The following MRPS28 variants were observed in gnomAD, a reference collection of about 807,000 sequenced individuals.
MRPS28 encodes the protein mitochondrial ribosomal protein S28.
In MRPS28, 7 loss-of-function variants were observed where a neutral mutation model predicts 10.8. The observed-to-expected ratio is 0.65, with a 90% CI of 0.37 to 1.22. The LOEUF (loss-of-function observed/expected upper bound fraction) is 1.22. Among genes scored for constraint, MRPS28 ranks in the 50% most tolerant of loss-of-function variants. MRPS28 has a pLI of 0.02. For missense variants in MRPS28, 265 were observed against 232.9 expected (o/e 1.14, Z -0.90); for synonymous variants, 121 against 93.3 (o/e 1.30, Z -1.71).
chr8:79,967,636 CCCTAT>C (rs1807534954), intron 2 of MRPS28, among the ~76,000 whole-genome samples: 1 of 152,136 alleles, frequency 6.6e-6, no homozygotes, highest in Non-Finnish European at 1.5e-5. Flanking sequence ...CCTAACACCA[CCCTAT>C]GCCTGTTAGA....
intron 2 of MRPS28, among the ~76,000 whole-genome samples, chr8:79,947,540 C>T (rs751739660): frequency 1.4e-4 from 22 of 151,806 alleles, no homozygotes; most frequent in Admixed American, 1.0e-3. Flanking sequence ...ATCATCTCTC[C>T]ACTTATTTAG....
chr8:80,028,664 C>CGGGGGGGGGG (rs1278468176), intron 1 of MRPS28: 54 of 7,046 alleles, frequency 7.7e-3, no homozygotes, highest in Middle Eastern at 0.1. Flanking sequence ...GGGGCGGGGC[C>CGGGGGGGGGG]GGGCGGGGTC....
At chr8:79,999,144 AG>A (rs1042893915) in intron 2 of MRPS28, among the ~76,000 whole-genome samples, 1 of 152,240 alleles carries the variant, frequency 6.6e-6, no homozygotes, top group Non-Finnish European at 1.5e-5. Context: ...GTACCAAAGC[AG>A]GAAGCTCTGC....
intron 2 of MRPS28, among the ~76,000 whole-genome samples, chr8:79,978,508 A>G: frequency 6.6e-6 from 1 of 152,216 alleles, no homozygotes; most frequent in East Asian, 1.9e-4. Context: ...CTTTGCATAT[A>G]TTTCATACCT....
At chr8:79,989,033 C>T (rs1418493625) in intron 2 of MRPS28, among the ~76,000 whole-genome samples, 1 of 152,118 alleles carries the variant, frequency 6.6e-6, no homozygotes, top group African/African-American at 2.4e-5. Context: ...TAATACAAAG[C>T]AGTTAAGCAG....
intron 2 of MRPS28, among the ~76,000 whole-genome samples, chr8:79,974,169 C>T (rs1586069389): frequency 1.3e-5 from 2 of 152,098 alleles, no homozygotes; most frequent in African/African-American, 2.4e-5. Flanking sequence ...GGCTGATGAA[C>T]TTTTTGACAG....
intron 2 of MRPS28, among the ~76,000 whole-genome samples, chr8:79,970,589 C>A (rs1351468136): frequency 6.6e-6 from 1 of 152,192 alleles, no homozygotes; most frequent in Non-Finnish European, 1.5e-5. Flanking sequence ...TCCAAAAAAA[C>A]TGTTTACAGA....
intron 2 of MRPS28, among the ~76,000 whole-genome samples, chr8:79,972,165 T>C (rs1807651511): frequency 6.6e-6 from 1 of 152,184 alleles, no homozygotes. Context: ...TAACAAAATA[T>C]AAATAAAATT....
At chr8:79,931,945 T>TAGA (rs1190712433) in intron 2 of MRPS28, among the ~76,000 whole-genome samples, 1 of 152,218 alleles carries the variant, frequency 6.6e-6, no homozygotes, top group Non-Finnish European at 1.5e-5. Flanking sequence ...CTCTAGGCCG[T>TAGA]AGAGGGCCTT....
At chr8:79,970,214 G>T (rs963000074) in intron 2 of MRPS28, among the ~76,000 whole-genome samples, 14 of 151,908 alleles carry the variant, frequency 9.2e-5, no homozygotes, top group Admixed American at 2.6e-4. Flanking sequence ...CAGATCACGG[G>T]TTTTTTTTAC....
chr8:79,939,921 G>A (rs568842380), intron 2 of MRPS28, among the ~76,000 whole-genome samples: 2 of 150,574 alleles, frequency 1.3e-5, no homozygotes, highest in African/African-American at 4.9e-5. Flanking sequence ...AGTGAGCGGA[G>A]ATCACGCCAC....
At chr8:79,921,333 AT>A (rs780813558) in intron 2 of MRPS28, among the ~76,000 whole-genome samples, 2,166 of 152,196 alleles carry the variant, frequency 0.014, 26 homozygotes, top group Non-Finnish European at 0.021. Flanking sequence ...GAAGAAAGTC[AT>A]TGGTAGCTTG....
chr8:80,002,503 C>G (rs1808687181), intron 2 of MRPS28, among the ~76,000 whole-genome samples: 2 of 152,162 alleles, frequency 1.3e-5, no homozygotes, highest in African/African-American at 4.8e-5. Context: ...ACTCCTAGAT[C>G]TCCCACCTTA....
At chr8:79,919,584 T>C (rs1299067346) in intron 2 of MRPS28, among the ~76,000 whole-genome samples, 1 of 152,166 alleles carries the variant, frequency 6.6e-6, no homozygotes, top group Non-Finnish European at 1.5e-5. Context: ...CCCTCCCACC[T>C]TGGCCTCCTA....
intron 2 of MRPS28, among the ~76,000 whole-genome samples, chr8:79,937,914 C>T (rs993525275): frequency 6.6e-6 from 1 of 152,144 alleles, no homozygotes; most frequent in African/African-American, 2.4e-5. Flanking sequence ...TAAAAAGTGT[C>T]CTGGTTTGTG....
At chr8:79,949,994 AC>A (rs1463501599) in intron 2 of MRPS28, among the ~76,000 whole-genome samples, 2 of 152,330 alleles carry the variant, frequency 1.3e-5, no homozygotes, top group Admixed American at 1.3e-4. Flanking sequence ...TAGAAAAATC[AC>A]TAAGCTATAT....
intron 2 of MRPS28, among the ~76,000 whole-genome samples, chr8:80,000,395 G>A (rs1324324610): frequency 6.6e-6 from 1 of 152,072 alleles, no homozygotes; most frequent in Non-Finnish European, 1.5e-5. Context: ...ACTCTCCTAA[G>A]TACCTTTAAA....
intron 2 of MRPS28, among the ~76,000 whole-genome samples, chr8:79,941,295 G>A (rs1006083270): frequency 6.6e-5 from 10 of 152,060 alleles, no homozygotes; most frequent in African/African-American, 2.4e-4. Context: ...TTCCAAATGT[G>A]GTATTACAAC....
chr8:79,942,996 T>C (rs368083183), intron 2 of MRPS28, among the ~76,000 whole-genome samples: 4 of 152,362 alleles, frequency 2.6e-5, no homozygotes, highest in East Asian at 1.9e-4. Flanking sequence ...GAATCAATCA[T>C]TGTATTTCAC....
Sources: allele counts gnomAD v4.1 joint callset (sites outside exome capture counted in the v4.1 genomes callset), GRCh38; gene constraint gnomAD v4.1.1; transcripts MANE v1.5; gene names NCBI Gene and HGNC (gene_info 2026-07-23, HGNC 2026-07-21).